The following DENND1A variants were observed in gnomAD, a reference collection of about 807,000 sequenced individuals.
DENND1A encodes DENN domain containing 1A, also known as DENN domain-containing protein 1A.
In DENND1A, 51 loss-of-function variants were observed where a neutral mutation model predicts 113.7. The observed-to-expected ratio is 0.45, with a 90% CI of 0.36 to 0.57. The LOEUF (loss-of-function observed/expected upper bound fraction) is 0.57. Among genes scored for constraint, DENND1A ranks in the 20% least tolerant of loss-of-function variants. The pLI, the probability that DENND1A is intolerant of heterozygous loss-of-function variation, is 0.00. For missense variants in DENND1A, 1,258 were observed against 1,395.9 expected (o/e 0.90, Z 1.57); for synonymous variants, 565 against 570.8 (o/e 0.99, Z 0.14).
chr9:123,838,583 TAAC>T (rs1841385104), intron 2 of DENND1A, among the ~76,000 whole-genome samples: 1 of 152,166 alleles, frequency 6.6e-6, no homozygotes, highest in Non-Finnish European at 1.5e-5. Context: ...GAATCATTAG[TAAC>T]AATAGATCAG....
chr9:123,491,546 G>A (rs553468212), intron 13 of DENND1A, among the ~76,000 whole-genome samples: 87 of 152,276 alleles, frequency 5.7e-4, no homozygotes, highest in African/African-American at 2.0e-3. Context: ...CTAGTATAAT[G>A]TTAGCTTGCT....
intron 2 of DENND1A, among the ~76,000 whole-genome samples, chr9:123,877,598 T>C (rs1463103063): frequency 6.6e-6 from 1 of 151,578 alleles, no homozygotes; most frequent in Admixed American, 6.6e-5. Flanking sequence ...CCGAGGTGGG[T>C]AGATCACCTG....
At chr9:123,494,785 G>T (rs1356069650) in intron 13 of DENND1A, among the ~76,000 whole-genome samples, 2 of 151,638 alleles carry the variant, frequency 1.3e-5, no homozygotes, top group South Asian at 4.2e-4. Flanking sequence ...AAGCCTTCAG[G>T]CCCTTTTTTT....
intron 3 of DENND1A, among the ~76,000 whole-genome samples, chr9:123,782,967 T>C (rs932658872): frequency 3.3e-5 from 5 of 151,736 alleles, no homozygotes; most frequent in African/African-American, 1.2e-4. Flanking sequence ...AGTTACACAG[T>C]TGAAAATTAT....
intron 5 of DENND1A, among the ~76,000 whole-genome samples, chr9:123,747,618 T>C (rs2131241865): frequency 6.6e-6 from 1 of 152,324 alleles, no homozygotes; most frequent in South Asian, 2.1e-4. Flanking sequence ...TTTAATTTTC[T>C]CCACAATGTT....
chr9:123,804,177 TA>T (rs1187154663), intron 2 of DENND1A, among the ~76,000 whole-genome samples: 11 of 152,238 alleles, frequency 7.2e-5, no homozygotes, highest in African/African-American at 2.4e-4. Context: ...CTGATGGTTT[TA>T]AAAATGGGAA....
intron 11 of DENND1A, among the ~76,000 whole-genome samples, chr9:123,595,107 A>T (rs1296840611): frequency 6.6e-6 from 1 of 152,208 alleles, no homozygotes; most frequent in African/African-American, 2.4e-5. Flanking sequence ...AAAATTAAAA[A>T]TCTAAGCCTG....
intron 19 of DENND1A, among the ~76,000 whole-genome samples, chr9:123,434,658 C>G (rs142755759): frequency 3.3e-5 from 5 of 152,056 alleles, no homozygotes; most frequent in Non-Finnish European, 7.4e-5. Flanking sequence ...TGGGGTAGCA[C>G]GAGGACAGAA....
intron 2 of DENND1A, among the ~76,000 whole-genome samples, chr9:123,870,714 T>C (rs1300725363): frequency 1.3e-5 from 2 of 151,994 alleles, no homozygotes; most frequent in Non-Finnish European, 2.9e-5. Context: ...GGATTATAGG[T>C]GTGAACCACC....
chr9:123,506,240 A>G (rs191899193), intron 13 of DENND1A, among the ~76,000 whole-genome samples: 1 of 152,334 alleles, frequency 6.6e-6, no homozygotes, highest in East Asian at 1.9e-4. Flanking sequence ...GGATTAAATG[A>G]GTAATATGTA....
chr9:123,423,437 C>T (rs969819280), intron 19 of DENND1A, among the ~76,000 whole-genome samples: 1 of 152,176 alleles, frequency 6.6e-6, no homozygotes, highest in Non-Finnish European at 1.5e-5. Flanking sequence ...GAACACATGG[C>T]TGTGGTAGGT....
intron 13 of DENND1A, among the ~76,000 whole-genome samples, chr9:123,545,473 CT>C (rs113208699): frequency 2.7e-4 from 40 of 146,774 alleles, no homozygotes; most frequent in South Asian, 4.4e-4. Context: ...GTCTCCTGTT[CT>C]TTTTTTTTTT....
At chr9:123,468,583 T>A (rs1184258548) in intron 13 of DENND1A, among the ~76,000 whole-genome samples, 1 of 152,166 alleles carries the variant, frequency 6.6e-6, no homozygotes, top group Non-Finnish European at 1.5e-5. Flanking sequence ...GGCCTCAGCA[T>A]CCCTCCCAGA....
intron 2 of DENND1A, among the ~76,000 whole-genome samples, chr9:123,806,485 G>A (rs1161172564): frequency 6.6e-6 from 1 of 152,126 alleles, no homozygotes; most frequent in Non-Finnish European, 1.5e-5. Context: ...TCGAACTCCT[G>A]ACCTCAGGTG....
At chr9:123,442,498 C>G (rs2047001211) in intron 18 of DENND1A, among the ~76,000 whole-genome samples, 1 of 151,874 alleles carries the variant, frequency 6.6e-6, no homozygotes, top group African/African-American at 2.4e-5. Flanking sequence ...GAAGATCCTA[C>G]AAGATAGATA....
At chr9:123,857,569 C>A (rs1271900410) in intron 2 of DENND1A, among the ~76,000 whole-genome samples, 1 of 152,034 alleles carries the variant, frequency 6.6e-6, no homozygotes. Context: ...AGTAAAGGGC[C>A]AAATCAAAAT....
chr9:123,654,257 T>A (rs182727573), intron 8 of DENND1A, among the ~76,000 whole-genome samples: 31 of 152,294 alleles, frequency 2.0e-4, no homozygotes, highest in African/African-American at 7.5e-4. Flanking sequence ...GCTGATGAAT[T>A]ACATGAATTT....
intron 9 of DENND1A, among the ~76,000 whole-genome samples, chr9:123,649,553 T>C (rs1040521512): frequency 2.6e-5 from 4 of 152,186 alleles, no homozygotes; most frequent in African/African-American, 9.6e-5. Flanking sequence ...TAAAACCCCC[T>C]GGGATGAGTG....
intron 13 of DENND1A, among the ~76,000 whole-genome samples, chr9:123,497,323 A>AT (rs761994866): frequency 6.6e-6 from 1 of 152,066 alleles, no homozygotes; most frequent in East Asian, 1.9e-4. Flanking sequence ...TTATTTACTT[A>AT]TTTTTTAAGA....
Sources: allele counts gnomAD v4.1 joint callset (sites outside exome capture counted in the v4.1 genomes callset), GRCh38; gene constraint gnomAD v4.1.1; transcripts MANE v1.5; gene names NCBI Gene and HGNC (gene_info 2026-07-23, HGNC 2026-07-21).